UTS2B: variants seen among roughly 807,000 people sequenced by gnomAD.
The protein encoded by UTS2B is urotensin 2B, also known as urotensin-2B.
A neutral mutation model predicts 19.2 loss-of-function variants in UTS2B; 21 were observed. The ratio of observed to expected loss-of-function variants is 1.09; its 90% CI spans 0.78 to 1.58. UTS2B has a LOEUF of 1.58. Ranked by LOEUF, UTS2B falls within the 40% of genes most tolerant of loss-of-function variation. The pLI is 0.00. For synonymous variants in UTS2B, 57 were observed against 50.2 expected (o/e 1.14, Z -0.58); for missense variants, 138 against 130.3 (o/e 1.06, Z -0.29).
At chr3:191,279,120 T>G (rs1435528595) in intron 5 of UTS2B, among the ~76,000 whole-genome samples, 1 of 152,006 alleles carries the variant, frequency 6.6e-6, no homozygotes, top group African/African-American at 2.4e-5. Flanking sequence ...AGTTGATAAA[T>G]TCAAACACTT....
chr3:191,282,015 A>T, intron 5 of UTS2B, 72 bp downstream of exon 5: 1 of 1,132,788 alleles, frequency 8.8e-7, no homozygotes, highest in Non-Finnish European at 1.3e-6. Flanking sequence ...TGGCAGAAAA[A>T]TCAAATTTGT....
At chr3:191,344,774 T>C in the UTS2B span, among the ~76,000 whole-genome samples, 1 of 152,194 alleles carries the variant, frequency 6.6e-6, no homozygotes, top group Non-Finnish European at 1.5e-5. Flanking sequence ...AGACGAGATT[T>C]CACTCTGTTG....
At chr3:191,320,728 G>C (rs1028748494) in intron 2 of UTS2B, among the ~76,000 whole-genome samples, 1 of 152,222 alleles carries the variant, frequency 6.6e-6, no homozygotes, top group African/African-American at 2.4e-5. Flanking sequence ...TAAATGCAGG[G>C]TGTGAAAGAA....
chr3:191,331,395 C>T (rs1717979688), upstream of UTS2B, among the ~76,000 whole-genome samples: 1 of 152,156 alleles, frequency 6.6e-6, no homozygotes, highest in South Asian at 2.1e-4. Context: ...TATTATTTCT[C>T]AAGGAGTTCC....
intron 4 of UTS2B, among the ~76,000 whole-genome samples, chr3:191,295,026 G>A (rs570516948): frequency 1.5e-5 from 2 of 130,730 alleles, no homozygotes; most frequent in African/African-American, 2.7e-5. Context: ...GTAAGACTCC[G>A]TCTTAAACAA....
chr3:191,300,585 ATG>A (rs1230352677), intron 4 of UTS2B, among the ~76,000 whole-genome samples: 3 of 152,208 alleles, frequency 2.0e-5, no homozygotes, highest in African/African-American at 7.2e-5. Context: ...TGTGAGAAGG[ATG>A]TGAAACGTGG....
the UTS2B span, among the ~76,000 whole-genome samples, chr3:191,339,744 A>G: frequency 6.6e-6 from 1 of 152,256 alleles, no homozygotes; most frequent in Non-Finnish European, 1.5e-5. Context: ...TTCACTGGAC[A>G]GTTAGTGACT....
At chr3:191,301,483 A>ATTTTT (rs750203551) in intron 4 of UTS2B, among the ~76,000 whole-genome samples, 25 of 113,836 alleles carry the variant, frequency 2.2e-4, no homozygotes, top group Non-Finnish European at 3.1e-4. Context: ...ATTTTTGGTA[A>ATTTTT]TTTTTTTTTT....
chr3:191,312,891 A>G (rs1332823479), intron 3 of UTS2B, among the ~76,000 whole-genome samples: 3 of 152,236 alleles, frequency 2.0e-5, no homozygotes, highest in Non-Finnish European at 4.4e-5. Context: ...GAGTAAAGAG[A>G]AAAGGATAAC....
At chr3:191,289,440 A>AAATG (rs1257645495) in intron 4 of UTS2B, among the ~76,000 whole-genome samples, 7 of 145,658 alleles carry the variant, frequency 4.8e-5, no homozygotes, top group South Asian at 2.2e-4. Flanking sequence ...ATAAATAAAT[A>AAATG]AATAAATAAA....
At chr3:191,313,079 C>T (rs530777458) in intron 3 of UTS2B, among the ~76,000 whole-genome samples, 5 of 149,484 alleles carry the variant, frequency 3.3e-5, no homozygotes, top group African/African-American at 9.8e-5. Flanking sequence ...GGTGTGATCT[C>T]GGCCTCCCTG....
chr3:191,270,402 T>C (rs1218426955), intron 8 of UTS2B, among the ~76,000 whole-genome samples: 1 of 152,192 alleles, frequency 6.6e-6, no homozygotes, highest in African/African-American at 2.4e-5. Context: ...CTCCCTATAT[T>C]GGCCAGGCTG....
rs1715975077 is a variant in UTS2B at position 191,267,736 on chromosome 3, T to A, written c.*680A>T. The stretch of plus-strand genomic sequence containing the variant: ...ATGGGGATGAAGTAATTCTTTAACA[T>A]AACATTTGTATGTAGAAGTACAGTA... On this transcript the variant is annotated 3_prime_UTR_variant, in exon 9 of 9. Coordinates refer to ENST00000340524, the MANE Select transcript of UTS2B (RefSeq NM_198152.5). The A allele has an allele frequency of 6.6e-6, 1 of 151,266 alleles. No homozygotes were observed. The highest frequency in any genetic ancestry group is 6.6e-5 in the Admixed American group (1 of 15,230). 9.4% of individuals were successfully genotyped at this position (151,266 alleles called of 1,614,324 possible).
chr3:191,345,016 G>T, the UTS2B span, among the ~76,000 whole-genome samples: 4 of 152,128 alleles, frequency 2.6e-5, no homozygotes, highest in African/African-American at 4.8e-5. Context: ...ACTTCTTGAT[G>T]GGAATAGAAA....
At chr3:191,341,408 G>T in the UTS2B span, among the ~76,000 whole-genome samples, 1 of 152,180 alleles carries the variant, frequency 6.6e-6, no homozygotes, top group Non-Finnish European at 1.5e-5. Flanking sequence ...TTAAGTACTT[G>T]CCCAAGGTCT....
intron 4 of UTS2B, among the ~76,000 whole-genome samples, chr3:191,302,264 G>T (rs1717024928): frequency 6.6e-6 from 1 of 152,134 alleles, no homozygotes; most frequent in Non-Finnish European, 1.5e-5. Flanking sequence ...GGCAACCTCT[G>T]AAAGTTACCC....
the UTS2B span, among the ~76,000 whole-genome samples, chr3:191,340,442 A>G: frequency 6.6e-6 from 1 of 152,374 alleles, no homozygotes; most frequent in South Asian, 2.1e-4. Context: ...TTAGGAAACT[A>G]CATTTAGTTT....
chr3:191,269,276 T>C (rs773171367), intron 8 of UTS2B, among the ~76,000 whole-genome samples: 1 of 152,196 alleles, frequency 6.6e-6, no homozygotes, highest in Non-Finnish European at 1.5e-5. Flanking sequence ...GATAAATTTC[T>C]ATGTGCTTGC....
At chr3:191,327,217 C>T (rs1478367452) in intron 2 of UTS2B, among the ~76,000 whole-genome samples, 2 of 152,132 alleles carry the variant, frequency 1.3e-5, no homozygotes, top group Non-Finnish European at 2.9e-5. Flanking sequence ...TAGGGGAGGC[C>T]GGGCGTGGTG....
Sources: gnomAD v4.1 joint callset for allele counts (sites outside exome capture counted in the v4.1 genomes callset) on GRCh38, gnomAD v4.1.1 for gene constraint, MANE v1.5 for transcripts, NCBI Gene and HGNC (gene_info 2026-07-23, HGNC 2026-07-21) for gene names.